Variants in TTC7A observed in about 807,000 individuals in gnomAD.
The protein encoded by TTC7A is tetratricopeptide repeat domain 7A.
TTC7A carries 110 observed loss-of-function variants against 103.7 expected under a neutral mutation model. That is an observed-to-expected ratio of 1.06 (90% CI 0.91 to 1.24). The LOEUF is 1.24. TTC7A is among the 50% of genes most tolerant of loss of function. TTC7A has a pLI of 0.00. For synonymous variants in TTC7A, 521 were observed against 467.9 expected (o/e 1.11, Z -1.47); for missense variants, 1,340 against 1,116.3 (o/e 1.20, Z -2.86).
chr2:47,036,012 A>G (rs1258118122), intron 15 of TTC7A, among the ~76,000 whole-genome samples: 4 of 152,236 alleles, frequency 2.6e-5, no homozygotes, highest in African/African-American at 9.6e-5. Context: ...TCTTTTGGGA[A>G]GTTCTTCCAC....
rs529249007 is a variant in TTC7A, at chr2:46,924,938, A to G, written c.82+7661A>G. 5.0e-4 allele frequency among the ~76,000 whole-genome samples: 76 copies of G among 152,252 alleles called. 1 individual carries two copies. Among genetic ancestry groups the G allele is most frequent in the Non-Finnish European group, 8.4e-4 (57 of 68,030 alleles). On this transcript the variant is annotated intron_variant, in intron 2 of 20. Transcript: ENST00000409245. ...CAGCCTGCCACAGCCTTCATTGGAT[A>G]TTTTCAAGAGTACTCTTAGTTTTTG...
chr2:46,957,747 C>T (rs1031732725), intron 3 of TTC7A, among the ~76,000 whole-genome samples: 1 of 152,198 alleles, frequency 6.6e-6, no homozygotes, highest in Non-Finnish European at 1.5e-5. Flanking sequence ...GCTTCAGGCT[C>T]CTTCTTCCCT....
chr2:46,931,529 C>G (rs1558480205), intron 2 of TTC7A, among the ~76,000 whole-genome samples: 1 of 151,976 alleles, frequency 6.6e-6, no homozygotes, highest in African/African-American at 2.4e-5. Flanking sequence ...GGGTCAGAGT[C>G]AGAGTAGAGG....
chr2:47,006,810 A>T, intron 10 of TTC7A, 86 bp downstream of exon 10: 1 of 1,107,130 alleles, frequency 9.0e-7, no homozygotes, highest in Admixed American at 1.8e-5. Flanking sequence ...TGGCCAGGGG[A>T]GTGGGTGGGT....
chr2:46,958,832 C>T (rs1451619075), intron 3 of TTC7A, among the ~76,000 whole-genome samples: 2 of 152,212 alleles, frequency 1.3e-5, no homozygotes, highest in African/African-American at 2.4e-5. Flanking sequence ...AGAGGCCACA[C>T]CCTTCGGGGG....
At chr2:46,964,525 C>G (rs1055850607) in intron 3 of TTC7A, among the ~76,000 whole-genome samples, 4 of 152,200 alleles carry the variant, frequency 2.6e-5, no homozygotes, top group African/African-American at 9.7e-5. Flanking sequence ...CCCCTCAAAT[C>G]AGGCTCACCT....
chr2:46,915,960 G>GGACTGACGC, upstream of TTC7A: 3 of 985,444 alleles, frequency 3.0e-6, no homozygotes, highest in Non-Finnish European at 3.6e-6. Context: ...AGCACTGGCG[G>GGACTGACGC]GACTGACGCA....
rs1164741031 is a variant in TTC7A at position 47,044,480 on chromosome 2, C to A, written c.1803-1835C>A. On this transcript the variant is annotated intron_variant, in intron 15 of 19. Transcript: ENST00000319190. Reference sequence around the variant, plus strand: ...CCACTGGGGTCATTCCTACTCAGGGCTGTGTCCTGCCAGCTGTGCACTCAG... The same window carrying A: ...CCACTGGGGTCATTCCTACTCAGGGATGTGTCCTGCCAGCTGTGCACTCAG... Among the ~76,000 whole-genome samples the A allele has an allele frequency of 2.6e-5, 4 of 152,190 alleles. No homozygotes were observed. The South Asian group carries it at 8.3e-4, about 31-fold the overall frequency.
chr2:47,000,869 G>A (rs1338656125), intron 8 of TTC7A, among the ~76,000 whole-genome samples: 1 of 152,174 alleles, frequency 6.6e-6, no homozygotes, highest in African/African-American at 2.4e-5. Context: ...CCCAGGGCCT[G>A]ATGGGAGAAG....
intron 8 of TTC7A, among the ~76,000 whole-genome samples, chr2:46,999,291 G>A (rs1676548204): frequency 6.8e-6 from 1 of 147,440 alleles, no homozygotes. Flanking sequence ...CCATTCATCC[G>A]TCCACCCTTT....
At chr2:47,054,738 G>A (rs1293521268) in intron 18 of TTC7A, among the ~76,000 whole-genome samples, 2 of 151,956 alleles carry the variant, frequency 1.3e-5, no homozygotes, top group East Asian at 3.9e-4. Context: ...TGGAGGCTGA[G>A]GTGGGAGGAT....
chr2:46,992,192 C>T (rs1204453507), intron 5 of TTC7A, among the ~76,000 whole-genome samples: 1 of 152,208 alleles, frequency 6.6e-6, no homozygotes, highest in Non-Finnish European at 1.5e-5. Flanking sequence ...CAGGGCAGCC[C>T]TTACACTTTC....
At chr2:46,992,915 C>T (rs1675775997) in intron 5 of TTC7A, among the ~76,000 whole-genome samples, 1 of 152,194 alleles carries the variant, frequency 6.6e-6, no homozygotes, top group African/African-American at 2.4e-5. Context: ...CACTATGGCT[C>T]ACACTTTTAA....
chr2:46,980,186 T>TA (rs1170512038), intron 5 of TTC7A, among the ~76,000 whole-genome samples: 7 of 152,208 alleles, frequency 4.6e-5, no homozygotes, highest in Non-Finnish European at 7.4e-5. Flanking sequence ...AAAGCAAACT[T>TA]ACTGTTTTCT....
At chr2:46,979,512 C>T (rs1674226351) in intron 5 of TTC7A, among the ~76,000 whole-genome samples, 1 of 152,114 alleles carries the variant, frequency 6.6e-6, no homozygotes, top group Non-Finnish European at 1.5e-5. Flanking sequence ...CTATCTGAGA[C>T]CTAAGAACCA....
chr2:46,955,665 A>G (rs554781908), intron 2 of TTC7A, among the ~76,000 whole-genome samples: 6 of 152,348 alleles, frequency 3.9e-5, no homozygotes, highest in African/African-American at 1.4e-4. Context: ...TGGCTTCCCC[A>G]GAGCCTGTCT....
intron 18 of TTC7A, among the ~76,000 whole-genome samples, chr2:47,059,985 C>A (rs1410462949): frequency 6.6e-6 from 1 of 151,910 alleles, no homozygotes; most frequent in African/African-American, 2.4e-5. Context: ...GGCGAAACCC[C>A]ATCTCTACAA....
At chr2:46,943,447 G>C (rs1274301165) in intron 1 of TTC7A, among the ~76,000 whole-genome samples, 3 of 152,058 alleles carry the variant, frequency 2.0e-5, no homozygotes, top group Non-Finnish European at 4.4e-5. Flanking sequence ...GGGTCAGCAG[G>C]GTCTCTCCTG....
At chr2:47,005,610 C>T (rs1317176392) in intron 8 of TTC7A, among the ~76,000 whole-genome samples, 3 of 152,078 alleles carry the variant, frequency 2.0e-5, no homozygotes, top group African/African-American at 7.2e-5. Context: ...GAAGGGTTTT[C>T]GGTTATGAGA....
Sources: gnomAD v4.1 joint callset for allele counts (sites outside exome capture counted in the v4.1 genomes callset) on GRCh38, gnomAD v4.1.1 for gene constraint, MANE v1.5 for transcripts, NCBI Gene and HGNC (gene_info 2026-07-23, HGNC 2026-07-21) for gene names.